The following EEF1AKMT1 variants were observed in gnomAD, a reference collection of about 807,000 sequenced individuals.
EEF1AKMT1 encodes the protein N-6 adenine-specific DNA methyltransferase 2 (putative).
A neutral mutation model predicts 21.0 loss-of-function variants in EEF1AKMT1; 18 were observed. That is an observed-to-expected ratio of 0.86 (90% confidence interval 0.59 to 1.27). The LOEUF is 1.27. Ranked by LOEUF, EEF1AKMT1 falls within the 50% of genes most tolerant of loss-of-function variation. The pLI is 0.00. For synonymous variants in EEF1AKMT1, 109 were observed against 94.8 expected (o/e 1.15, Z -0.87); for missense variants, 246 against 258.6 (o/e 0.95, Z 0.33).
intron 2 of EEF1AKMT1, among the ~76,000 whole-genome samples, chr13:20,753,434 C>T (rs572752980): frequency 1.3e-5 from 2 of 152,264 alleles, no homozygotes; most frequent in African/African-American, 2.4e-5. Context: ...GTTCTACAAA[C>T]GTCTCTTAAG....
At chr13:20,739,193 G>GT (rs2058852079) in intron 2 of EEF1AKMT1, among the ~76,000 whole-genome samples, 2 of 152,160 alleles carry the variant, frequency 1.3e-5, no homozygotes, top group Admixed American at 1.3e-4. Context: ...CAGTGGGTTG[G>GT]TAACTTCGCT....
chr13:20,754,839 G>A (rs959191674), intron 2 of EEF1AKMT1, among the ~76,000 whole-genome samples: 4 of 152,082 alleles, frequency 2.6e-5, no homozygotes, highest in East Asian at 1.9e-4. Context: ...GCAGTGAGCC[G>A]AGATGGCACC....
Position 20,757,460 on chromosome 13 carries a change from T to A in EEF1AKMT1, c.139A>T (p.Asn47Tyr), listed in dbSNP as rs2058977235. 4.3e-6 allele frequency: 7 copies of A among 1,613,982 alleles called. No individual in the cohort carries two copies. In the Middle Eastern group the frequency reaches 5.0e-4, roughly 114 times the overall value. ...DKYNIGIIEE[N>Y]WQLSQFWYSQ... Reference sequence around the variant, plus strand: ...TGTGAAATGCATTTACTTACCCAATTCTCTTCTATTATTCCAATGTTATAT... The same window carrying A: ...TGTGAAATGCATTTACTTACCCAATACTCTTCTATTATTCCAATGTTATAT... Residue 47 changes from asparagine to tyrosine, a missense_variant, in exon 2 of 5, where the codon AAT becomes TAT. By Grantham distance (143) the Asn-to-Tyr change is moderately radical (BLOSUM62 -2). Coordinates refer to ENST00000382758, the MANE Select transcript of EEF1AKMT1 (RefSeq NM_001318939.2).
At chr13:20,739,114 G>A (rs867609492) in intron 2 of EEF1AKMT1, among the ~76,000 whole-genome samples, 8 of 152,238 alleles carry the variant, frequency 5.3e-5, no homozygotes, top group Non-Finnish European at 7.4e-5. Flanking sequence ...TTCGCCAAGA[G>A]GATTACAACT....
chr13:20,734,167 C>T (rs916220484), intron 3 of EEF1AKMT1, among the ~76,000 whole-genome samples: 7 of 152,146 alleles, frequency 4.6e-5, no homozygotes, highest in Non-Finnish European at 8.8e-5. Context: ...AAACATCTTC[C>T]GATAAAAAAG....
At position 20,729,137 on chromosome 13, in the gene EEF1AKMT1, C is replaced by T. The variant is rs770657341; in HGVS notation, c.588G>A (p.Leu196=). ...TCACATAACAGCGAAACTCATTTGC[C>T]AAGTTCCGGGTGTGTCTTGGAACAA... is the stretch of plus-strand genomic sequence containing the variant. ...CTFVPRHTRN[L]ANEFRCYVNY... Residue 196 remains leucine (L), a synonymous_variant, in exon 5 of 5, where the codon TTG becomes TTA. Coordinates refer to ENST00000382758, the MANE Select transcript of EEF1AKMT1 (RefSeq NM_001318939.2). 8 of 1,614,092 alleles carry T rather than the reference C, an allele frequency of 5.0e-6. No individual in the cohort carries two copies. Among genetic ancestry groups the T allele is most frequent in the Non-Finnish European group, 6.8e-6 (8 of 1,180,048 alleles).
chr13:20,732,624 C>T (rs187795750), intron 3 of EEF1AKMT1, among the ~76,000 whole-genome samples: 5 of 152,234 alleles, frequency 3.3e-5, no homozygotes, highest in East Asian at 1.9e-4. Flanking sequence ...TGAGCTACCG[C>T]GCCTGGCCTA....
intron 1 of EEF1AKMT1, among the ~76,000 whole-genome samples, chr13:20,766,027 T>C (rs1272150316): frequency 6.6e-6 from 1 of 150,826 alleles, no homozygotes; most frequent in Non-Finnish European, 1.5e-5. Flanking sequence ...AGGCTGGGCG[T>C]GGTGGCTCAA....
chr13:20,739,568 T>A (rs910122203), intron 2 of EEF1AKMT1, among the ~76,000 whole-genome samples: 3 of 152,146 alleles, frequency 2.0e-5, no homozygotes, highest in African/African-American at 7.2e-5. Flanking sequence ...GCATTTACAA[T>A]CCTCTAGCTA....
chr13:20,759,503 C>T (rs1323117083), intron 1 of EEF1AKMT1, among the ~76,000 whole-genome samples: 2 of 151,822 alleles, frequency 1.3e-5, no homozygotes, highest in Non-Finnish European at 2.9e-5. Context: ...TGGCGTGAAC[C>T]TGGGAGGCGG....
Position 20,768,160 on chromosome 13 carries a change from T to C in EEF1AKMT1, c.-20+5761A>G, listed in dbSNP as rs145303147. Among the ~76,000 whole-genome samples, 1,147 of 152,346 alleles carry C rather than the reference T, an allele frequency of 7.5e-3. 20 individuals carry two copies. The highest frequency in any genetic ancestry group is 0.025 in the African/African-American group (1,057 of 41,572). ...TTGTATTTTCTTGCTTTTTCACATGTCTGATAGTTTTTTTATGGAATGCCA... is the reference window on the plus strand; with the variant it reads ...TTGTATTTTCTTGCTTTTTCACATGCCTGATAGTTTTTTTATGGAATGCCA... On this transcript the variant is annotated intron_variant, in intron 1 of 4. Transcript: ENST00000382758.
chr13:20,729,290 G>C, intron 4 of EEF1AKMT1, 74 bp from the exon 5 acceptor site: 1 of 1,584,380 alleles, frequency 6.3e-7, no homozygotes. Context: ...AGCTGTGAGA[G>C]GGGCTCTAGG....
At chr13:20,733,256 T>C (rs2058808698) in intron 3 of EEF1AKMT1, among the ~76,000 whole-genome samples, 1 of 152,040 alleles carries the variant, frequency 6.6e-6, no homozygotes, top group South Asian at 2.1e-4. Context: ...CCACCACGCC[T>C]GGCTAATTTT....
chr13:20,731,757 G>A (rs778430649), intron 4 of EEF1AKMT1, 84 bp downstream of exon 4: 8 of 1,379,140 alleles, frequency 5.8e-6, no homozygotes, highest in Non-Finnish European at 8.0e-6. Flanking sequence ...ACAGGAAGTG[G>A]TGGACTCAGG....
At chr13:20,767,107 C>T (rs2059038590) in intron 1 of EEF1AKMT1, among the ~76,000 whole-genome samples, 1 of 151,860 alleles carries the variant, frequency 6.6e-6, no homozygotes, top group South Asian at 2.1e-4. Context: ...GAGATCGAGA[C>T]CATCCTGGCT....
chr13:20,753,499 T>C (rs1428609724), intron 2 of EEF1AKMT1, among the ~76,000 whole-genome samples: 2 of 152,192 alleles, frequency 1.3e-5, no homozygotes, highest in Non-Finnish European at 2.9e-5. Flanking sequence ...ATTTTCTATG[T>C]AGATGATCTA....
chr13:20,736,404 C>T (rs1309670479), intron 3 of EEF1AKMT1, among the ~76,000 whole-genome samples: 1 of 152,108 alleles, frequency 6.6e-6, no homozygotes, highest in Non-Finnish European at 1.5e-5. Flanking sequence ...TCCTACGTGC[C>T]TTTTCTGTAG....
Position 20,764,880 on chromosome 13 carries a change from A to AACACACACACACACACAC in EEF1AKMT1, c.-19-7281_-19-7264dup, listed in dbSNP as rs34574835. Among the ~76,000 whole-genome samples the AACACACACACACACACAC allele has an allele frequency of 3.2e-4, 45 of 139,900 alleles. No individual in the cohort carries two copies. In the East Asian group the frequency reaches 6.6e-3, roughly 20 times the overall value. 91.8% of individuals were successfully genotyped at this position (139,900 alleles called of 152,430 possible). The stretch of plus-strand genomic sequence containing the variant: ...ATATTTTCCCCTTCCTTTCACTTTC[A>AACACACACACACACACAC]ACACACACACACACACACACACACA... On this transcript the variant is annotated intron_variant, in intron 1 of 4. Coordinates refer to ENST00000382758, the MANE Select transcript of EEF1AKMT1 (RefSeq NM_001318939.2).
intron 1 of EEF1AKMT1, among the ~76,000 whole-genome samples, chr13:20,773,379 C>T (rs1192081343): frequency 6.6e-6 from 1 of 152,190 alleles, no homozygotes; most frequent in African/African-American, 2.4e-5. Context: ...GTAAAGCCGC[C>T]CGCGTCCTAG....
Sources: allele counts gnomAD v4.1 joint callset (sites outside exome capture counted in the v4.1 genomes callset), GRCh38; gene constraint gnomAD v4.1.1; transcripts MANE v1.5; gene names NCBI Gene and HGNC (gene_info 2026-07-23, HGNC 2026-07-21).